The following FANK1 variants were observed in gnomAD, a reference collection of about 807,000 sequenced individuals.
FANK1 encodes the protein fibronectin type 3 and ankyrin repeat domains protein 1.
FANK1 carries 44 observed loss-of-function variants against 45.3 expected under a neutral mutation model. The observed-to-expected ratio is 0.97, with a 90% CI of 0.76 to 1.25. The LOEUF (loss-of-function observed/expected upper bound fraction) is 1.25. Among genes scored for constraint, FANK1 ranks in the 50% most tolerant of loss-of-function variants. The pLI is 0.00. For synonymous variants in FANK1, 149 were observed against 152.5 expected (o/e 0.98, Z 0.17); for missense variants, 391 against 424.4 (o/e 0.92, Z 0.69).
At chr10:125,897,026 T>G (rs1944591106) in intron 1 of FANK1, among the ~76,000 whole-genome samples, 1 of 152,290 alleles carries the variant, frequency 6.6e-6, no homozygotes, top group Non-Finnish European at 1.5e-5. Flanking sequence ...GGTTCATTAA[T>G]TGTAAGTAGC....
At chr10:125,947,792 C>T (rs969699903) in intron 1 of FANK1, among the ~76,000 whole-genome samples, 6 of 129,786 alleles carry the variant, frequency 4.6e-5, no homozygotes, top group Admixed American at 4.6e-4. Context: ...ACTCTCCACC[C>T]CAAATCAACA....
intron 2 of FANK1, among the ~76,000 whole-genome samples, chr10:125,986,356 T>A (rs10901497): frequency 6.6e-6 from 1 of 151,942 alleles, no homozygotes; most frequent in African/African-American, 2.4e-5. Context: ...AACAGGATCA[T>A]TGAACGTTCA....
At chr10:125,970,162 G>T (rs11244736) in intron 1 of FANK1, among the ~76,000 whole-genome samples, 8 of 151,746 alleles carry the variant, frequency 5.3e-5, no homozygotes, top group Admixed American at 2.6e-4. Flanking sequence ...ACGGGGTGGC[G>T]GCCGGGCAGA....
At chr10:125,994,762 T>C (rs1952194364) in intron 3 of FANK1, 2 of 985,420 alleles carry the variant, frequency 2.0e-6, no homozygotes, top group African/African-American at 1.7e-5. Flanking sequence ...GGCTTCGCTG[T>C]GGAGCTGATG....
intron 1 of FANK1, among the ~76,000 whole-genome samples, chr10:125,906,917 T>G (rs1054988028): frequency 2.6e-5 from 4 of 152,156 alleles, no homozygotes; most frequent in Non-Finnish European, 5.9e-5. Context: ...TAGAGAAGAG[T>G]GTGGCAAGGT....
chr10:125,990,833 C>T (rs577555862), intron 3 of FANK1, among the ~76,000 whole-genome samples: 1 of 152,276 alleles, frequency 6.6e-6, no homozygotes, highest in South Asian at 2.1e-4. Context: ...GGGGAGGCCT[C>T]ACAACCATGG....
chr10:125,949,177 A>T (rs1399157324), intron 1 of FANK1, among the ~76,000 whole-genome samples: 1 of 151,960 alleles, frequency 6.6e-6, no homozygotes, highest in East Asian at 1.9e-4. Context: ...GAATGGGCAA[A>T]AACTGGAAGC....
chr10:125,973,841 T>G (rs1950676453), intron 1 of FANK1: 1 of 150,944 alleles, frequency 6.6e-6, no homozygotes, highest in African/African-American at 2.4e-5. Context: ...GTTCTTCCCT[T>G]CAGCTTTTTA....
At chr10:125,945,657 G>T (rs987519434) in intron 1 of FANK1, among the ~76,000 whole-genome samples, 17 of 152,178 alleles carry the variant, frequency 1.1e-4, no homozygotes, top group African/African-American at 3.9e-4. Context: ...ACTGCAAGGC[G>T]GCAGCGAGGC....
At chr10:125,988,521 T>A in intron 2 of FANK1, 30 bp from the exon 3 acceptor site, 1 of 1,610,104 alleles carries the variant, frequency 6.2e-7, no homozygotes. Flanking sequence ...CTACCTGGTG[T>A]TATCAGCATG....
At chr10:125,915,594 C>T (rs960220504) in intron 1 of FANK1, among the ~76,000 whole-genome samples, 2 of 152,354 alleles carry the variant, frequency 1.3e-5, no homozygotes, top group African/African-American at 2.4e-5. Context: ...AGGTAGACAT[C>T]ACTTGACCCC....
intron 4 of FANK1, 146 bp downstream of exon 4, chr10:125,995,644 A>G: frequency 1.5e-6 from 1 of 670,936 alleles, no homozygotes; most frequent in Non-Finnish European, 2.7e-6. Context: ...GGTGTGAGTT[A>G]ATAAACCACA....
chr10:125,914,297 A>G (rs2134119402), intron 1 of FANK1, among the ~76,000 whole-genome samples: 2 of 151,328 alleles, frequency 1.3e-5, no homozygotes, highest in South Asian at 4.2e-4. Context: ...ATATATTTAA[A>G]AAGTCTCAGT....
chr10:125,935,055 G>C (rs1385013786), intron 1 of FANK1, among the ~76,000 whole-genome samples: 5 of 152,106 alleles, frequency 3.3e-5, no homozygotes, highest in Non-Finnish European at 7.3e-5. Context: ...GGTGTGGGCA[G>C]AGCTGCTGGC....
At chr10:126,000,362 T>C (rs1237177497) in intron 6 of FANK1, among the ~76,000 whole-genome samples, 1 of 152,148 alleles carries the variant, frequency 6.6e-6, no homozygotes, top group African/African-American at 2.4e-5. Context: ...CATAACGTTA[T>C]AGTAATTAAT....
At chr10:125,980,372 C>T in intron 2 of FANK1, 34 bp downstream of exon 2, 1 of 1,584,646 alleles carries the variant, frequency 6.3e-7, no homozygotes, top group Non-Finnish European at 8.6e-7. Context: ...GCCACTTTGC[C>T]TTACTTCCTG....
At chr10:125,963,539 T>C (rs1394025359) in intron 1 of FANK1, among the ~76,000 whole-genome samples, 1 of 152,188 alleles carries the variant, frequency 6.6e-6, no homozygotes. Context: ...GTGGCACATA[T>C]ACACCATGGA....
intron 2 of FANK1, chr10:125,980,871 A>G (rs1222055820): frequency 1.3e-5 from 2 of 152,870 alleles, no homozygotes; most frequent in South Asian, 2.1e-4. Context: ...CACCATGCCA[A>G]TCTCAGATGA....
chr10:125,920,144 G>C (rs1230275007), intron 1 of FANK1, among the ~76,000 whole-genome samples: 1 of 152,244 alleles, frequency 6.6e-6, no homozygotes, highest in South Asian at 2.1e-4. Flanking sequence ...TTGTCTCCTT[G>C]CTGAGAACTG....
Sources: allele counts gnomAD v4.1 joint callset (sites outside exome capture counted in the v4.1 genomes callset), GRCh38; gene constraint gnomAD v4.1.1; transcripts MANE v1.5; gene names NCBI Gene and HGNC (gene_info 2026-07-23, HGNC 2026-07-21).